ARHGEF17: variants seen among roughly 807,000 people sequenced by gnomAD.
ARHGEF17 encodes the protein 164 kDa Rho-specific guanine-nucleotide exchange factor.
In ARHGEF17, 80 loss-of-function variants were observed where a neutral mutation model predicts 174.0. The ratio of observed to expected loss-of-function variants is 0.46; its 90% confidence interval spans 0.38 to 0.55. The LOEUF is 0.55. Ranked by LOEUF, ARHGEF17 falls within the 20% of genes least tolerant of loss-of-function variation. The pLI is 0.00. For synonymous variants in ARHGEF17, 1,311 were observed against 1,189.1 expected, an observed-to-expected ratio of 1.10 and a Z score of -2.11; for missense variants, 2,886 against 2,839.7, an observed-to-expected ratio of 1.02 and a Z score of -0.37.
At chr11:73,317,722 C>G (rs1864951550) in intron 1 of ARHGEF17, among the ~76,000 whole-genome samples, 1 of 152,200 alleles carries the variant, frequency 6.6e-6, no homozygotes, top group Non-Finnish European at 1.5e-5. Flanking sequence ...CCCTCTAATT[C>G]TCAGCTCCCA....
intron 5 of ARHGEF17, 69 bp downstream of exon 5, chr11:73,356,022 G>A: frequency 6.3e-7 from 1 of 1,598,590 alleles, no homozygotes; most frequent in African/African-American, 1.3e-5. Flanking sequence ...GAGGTCTAAG[G>A]CCCCTGCCTC....
chr11:73,330,750 G>A (rs1865191120), intron 1 of ARHGEF17, among the ~76,000 whole-genome samples: 1 of 152,224 alleles, frequency 6.6e-6, no homozygotes, highest in African/African-American at 2.4e-5. Flanking sequence ...CCTGGACATC[G>A]CCCTGGCTGT....
At chr11:73,364,726 C>T in intron 18 of ARHGEF17, 126 bp downstream of exon 18, 1 of 1,263,532 alleles carries the variant, frequency 7.9e-7, no homozygotes, top group South Asian at 1.6e-5. Context: ...CCTCTGACCA[C>T]AGAGTGACGC....
intron 9 of ARHGEF17, among the ~76,000 whole-genome samples, chr11:73,357,865 C>G (rs957423637): frequency 1.3e-5 from 2 of 152,216 alleles, no homozygotes; most frequent in Non-Finnish European, 2.9e-5. Context: ...TGTTAGCTTT[C>G]CCTGCTTCCT....
rs929261937 is a variant in ARHGEF17 at position 73,368,222 on chromosome 11, C to T, written c.*442C>T. On this transcript the variant is annotated 3_prime_UTR_variant, in exon 21 of 21. Coordinates refer to ENST00000263674, the MANE Select transcript of ARHGEF17 (RefSeq NM_014786.4). Reference sequence around the variant, plus strand: ...CCCAAGCACTTATTTATGCAGTGACCTGGTCACCTGGGGTGGGGGTGATTT... The same window carrying T: ...CCCAAGCACTTATTTATGCAGTGACTTGGTCACCTGGGGTGGGGGTGATTT... 1 of 155,460 alleles carries T rather than the reference C, an allele frequency of 6.4e-6. No homozygotes were observed. The highest frequency in any genetic ancestry group is 1.4e-5 in the Non-Finnish European group (1 of 70,048). The allele number at this position is 155,460 out of a possible 1,614,324, so 9.6% of individuals were successfully genotyped here.
At chr11:73,350,393 T>A (rs568236797) in intron 2 of ARHGEF17, among the ~76,000 whole-genome samples, 1 of 152,292 alleles carries the variant, frequency 6.6e-6, no homozygotes, top group East Asian at 1.9e-4. Flanking sequence ...GTAAAGCTGC[T>A]TGTCCAAGGT....
chr11:73,352,063 C>T (rs1047570035), intron 2 of ARHGEF17, among the ~76,000 whole-genome samples: 1 of 152,092 alleles, frequency 6.6e-6, no homozygotes, highest in Non-Finnish European at 1.5e-5. Flanking sequence ...TGGCTCATGC[C>T]TATAATCCCA....
Position 73,359,937 on chromosome 11 carries a change from T to C in ARHGEF17, c.4191T>C (p.Leu1397=). Residue 1397 remains leucine (L), a synonymous_variant, in exon 10 of 21, where the codon CTT becomes CTC. Coordinates refer to ENST00000263674, the MANE Select transcript of ARHGEF17 (RefSeq NM_014786.4). The part of the protein sequence containing the change: ...LGQMSKLSES[L]GFPHQSLDDA... ...AAATGAGCAAGCTCTCTGAGAGCCT[T>C]GGTTTCCCCCACCAGGTCTGTGCCC... is the stretch of plus-strand genomic sequence containing the variant. 1 of 1,610,762 alleles carries C rather than the reference T, an allele frequency of 6.2e-7. No homozygotes were observed. The highest frequency in any genetic ancestry group is 8.5e-7 in the Non-Finnish European group (1 of 1,178,516).
chr11:73,319,867 T>G (rs1312785100), intron 1 of ARHGEF17, among the ~76,000 whole-genome samples: 1 of 152,118 alleles, frequency 6.6e-6, no homozygotes, highest in Non-Finnish European at 1.5e-5. Flanking sequence ...AGTGCCAATG[T>G]GTTCCTGGGG....
chr11:73,341,529 C>T (rs1865368843), intron 1 of ARHGEF17, among the ~76,000 whole-genome samples: 1 of 151,938 alleles, frequency 6.6e-6, no homozygotes, highest in Non-Finnish European at 1.5e-5. Flanking sequence ...TCAGGCTGGT[C>T]TCGAACTCCC....
chr11:73,331,793 C>G (rs895849969), intron 1 of ARHGEF17, among the ~76,000 whole-genome samples: 1 of 152,182 alleles, frequency 6.6e-6, no homozygotes, highest in Non-Finnish European at 1.5e-5. Context: ...CCTGGAAAAC[C>G]TCTCCCAGCT....
At chr11:73,342,474 C>T (rs1865385721) in intron 1 of ARHGEF17, among the ~76,000 whole-genome samples, 1 of 152,146 alleles carries the variant, frequency 6.6e-6, no homozygotes, top group East Asian at 1.9e-4. Flanking sequence ...AAGCACTTGT[C>T]TGGGCGCAAC....
At chr11:73,325,848 G>A in intron 1 of ARHGEF17, among the ~76,000 whole-genome samples, 1 of 152,270 alleles carries the variant, frequency 6.6e-6, no homozygotes, top group South Asian at 2.1e-4. Flanking sequence ...TGGGGAGAGG[G>A]CCTAGGCCGC....
At position 73,356,260 on chromosome 11, in the gene ARHGEF17, G is replaced by A. The variant is rs372501295; in HGVS notation, c.3749G>A (p.Arg1250His). 1.1e-5 allele frequency: 17 copies of A among 1,613,708 alleles called. No homozygotes were observed. The highest frequency in any genetic ancestry group is 3.3e-5 in the South Asian group (3 of 91,080). The change falls in exon 6 of 21, where the codon CGC becomes CAC. Residue 1250 changes from arginine to histidine, a missense_variant. By Grantham distance (29) the Arg-to-His change is conservative. Transcript: ENST00000263674. ...AQRNIKQVAE[R>H]INKGVRSAEE... ...CGGAACATCAAGCAGGTGGCTGAGC[G>A]CATCAACAAGGGTGTGCGGAGTGCC...
chr11:73,351,063 G>A (rs1865544688), intron 2 of ARHGEF17, among the ~76,000 whole-genome samples: 1 of 152,188 alleles, frequency 6.6e-6, no homozygotes, highest in Admixed American at 6.5e-5. Flanking sequence ...GGGACCCTGA[G>A]GTGAGCGGTT....
chr11:73,321,218 C>T (rs1040948395), intron 1 of ARHGEF17, among the ~76,000 whole-genome samples: 5 of 152,148 alleles, frequency 3.3e-5, no homozygotes, highest in Admixed American at 6.5e-5. Flanking sequence ...AGGGAGAAAC[C>T]GGGGCTGGAG....
At chr11:73,313,056 G>A (rs927583812) in intron 1 of ARHGEF17, among the ~76,000 whole-genome samples, 1 of 152,180 alleles carries the variant, frequency 6.6e-6, no homozygotes, top group Non-Finnish European at 1.5e-5. Flanking sequence ...TGTGTGAGAA[G>A]CCTGGAAATT....
Position 73,363,741 on chromosome 11 carries a change from C to G in ARHGEF17, c.5247-6C>G, listed in dbSNP as rs746094294. Reference sequence around the variant, plus strand: ...ATTTGTCCCAGGTGCATACCCCGATCCACAGTGTCCACGTGTACCAGTCCT... The same window carrying G: ...ATTTGTCCCAGGTGCATACCCCGATGCACAGTGTCCACGTGTACCAGTCCT... On this transcript the variant is annotated splice_region_variant and splice_polypyrimidine_tract_variant and intron_variant, in intron 15 of 20. Coordinates refer to ENST00000263674, the MANE Select transcript of ARHGEF17 (RefSeq NM_014786.4). The G allele has an allele frequency of 8.1e-6, 13 of 1,613,916 alleles. No homozygotes were observed. The South Asian group carries it at 9.9e-5, about 12-fold the overall frequency.
At chr11:73,366,462 C>T (rs1027141848) in intron 20 of ARHGEF17, among the ~76,000 whole-genome samples, 2 of 152,198 alleles carry the variant, frequency 1.3e-5, no homozygotes, top group African/African-American at 4.8e-5. Context: ...GGCGCGGTGG[C>T]TCACACCTGT....
Sources: allele counts gnomAD v4.1 joint callset (sites outside exome capture counted in the v4.1 genomes callset), GRCh38; gene constraint gnomAD v4.1.1; transcripts MANE v1.5; gene names NCBI Gene and HGNC (gene_info 2026-07-23, HGNC 2026-07-21).